Variants in HELZ observed in about 807,000 individuals in gnomAD.
HELZ encodes helicase with zinc finger.
In HELZ, 23 loss-of-function variants were observed where a neutral mutation model predicts 218.2. The observed-to-expected ratio is 0.11, with a 90% CI of 0.08 to 0.15. The LOEUF (loss-of-function observed/expected upper bound fraction) is 0.15. Among genes scored for constraint, HELZ ranks in the 10% least tolerant of loss-of-function variants. The probability of loss-of-function intolerance (pLI) is 1.00; values close to 1 mark genes in which losing one functional copy is unlikely to be tolerated. For synonymous variants in HELZ, 814 were observed against 829.4 expected (o/e 0.98, Z 0.32); for missense variants, 1,813 against 2,353.7 (o/e 0.77, Z 4.75).
At chr17:67,173,660 G>A (rs1308559089) in intron 13 of HELZ, among the ~76,000 whole-genome samples, 2 of 152,172 alleles carry the variant, frequency 1.3e-5, no homozygotes, top group Non-Finnish European at 2.9e-5. Context: ...AAAGCAGAGC[G>A]ACAGAACTGA....
chr17:67,135,274 T>C (rs939171953), intron 23 of HELZ, among the ~76,000 whole-genome samples: 2 of 152,274 alleles, frequency 1.3e-5, no homozygotes, highest in East Asian at 3.9e-4. Flanking sequence ...TGAGAAGCCT[T>C]GAGAGAGCAA....
chr17:67,190,345 G>T lies in HELZ; in HGVS notation c.568C>A (p.Gln190Lys). The change falls in exon 10 of 33, where the codon CAA becomes AAA. Residue 190 changes from glutamine (Q) to lysine (K), a missense_variant. Coordinates refer to ENST00000358691, the MANE Select transcript of HELZ (RefSeq NM_014877.4). The part of the protein sequence containing the change: ...EYTLCKRFLE[Q>K]GICRYGAQCT... ...TGGGCACCATACCTACAGATTCCTT[G>T]TTCTAAAAATCTAAGTAGAATAGGA... 1 of 1,611,728 alleles carries T rather than the reference G, an allele frequency of 6.2e-7. No individual in the cohort carries two copies. The highest frequency in any genetic ancestry group is 8.5e-7 in the Non-Finnish European group (1 of 1,177,910).
intron 32 of HELZ, among the ~76,000 whole-genome samples, chr17:67,083,931 T>C (rs987000498): frequency 2.0e-5 from 3 of 152,238 alleles, no homozygotes; most frequent in African/African-American, 7.2e-5. Flanking sequence ...GGGGTTTCTA[T>C]TTTAGGCTTA....
At chr17:67,101,178 T>C (rs2036918726) in intron 31 of HELZ, among the ~76,000 whole-genome samples, 1 of 149,622 alleles carries the variant, frequency 6.7e-6, no homozygotes, top group African/African-American at 2.5e-5. Context: ...AGGAAATAAA[T>C]TAAATGAGAA....
intron 12 of HELZ, among the ~76,000 whole-genome samples, chr17:67,180,197 A>G (rs1227550417): frequency 1.3e-5 from 2 of 152,232 alleles, no homozygotes; most frequent in East Asian, 3.9e-4. Context: ...AATACTCTGG[A>G]TTGGGGCTGC....
Position 67,123,048 on chromosome 17 carries a change from T to C in HELZ, c.3552A>G (p.Ile1184Met). 1 of 1,613,574 alleles carries C rather than the reference T, an allele frequency of 6.2e-7. No individual in the cohort carries two copies. The highest frequency in any genetic ancestry group is 8.5e-7 in the Non-Finnish European group (1 of 1,179,468). The stretch of plus-strand genomic sequence containing the variant: ...GAATACTTGTCCCAGTGTGAGGATC[T>C]ATTCTTTGAACAGGGCTTGGAGATT... ...LGKSPSPVQR[I>M]DPHTGTSILY... Residue 1184 changes from isoleucine (I) to methionine (M), a missense_variant, in exon 26 of 33, where the codon ATA (isoleucine) becomes ATG (methionine). By Grantham distance (10) the Ile-to-Met change is conservative. Around this residue, in one of 4 missense-constraint regions of HELZ, gnomAD observed 938 missense variants for 1,027.5 expected, o/e 0.91. Transcript: ENST00000358691.
At chr17:67,135,895 T>C (rs2038134507) in intron 23 of HELZ, 75 bp downstream of exon 23, 3 of 1,187,828 alleles carry the variant, frequency 2.5e-6, no homozygotes, top group African/African-American at 3.1e-5. Context: ...GAAGGTCATA[T>C]GAATAAATAT....
chr17:67,234,313 G>GA (rs1861761188), intron 3 of HELZ, among the ~76,000 whole-genome samples: 2 of 132,690 alleles, frequency 1.5e-5, no homozygotes, highest in African/African-American at 3.1e-5. Flanking sequence ...AAAAAAGAAA[G>GA]AAAAAAGAAA....
intron 6 of HELZ, among the ~76,000 whole-genome samples, chr17:67,201,433 T>C (rs781643722): frequency 6.6e-6 from 1 of 152,178 alleles, no homozygotes; most frequent in African/African-American, 2.4e-5. Flanking sequence ...TCACCTTACA[T>C]TAATTAAAAT....
At chr17:67,148,458 A>G (rs1307916604) in intron 20 of HELZ, 111 bp downstream of exon 20, 7 of 807,344 alleles carry the variant, frequency 8.7e-6, no homozygotes, top group African/African-American at 5.2e-5. Context: ...GACTAGGGAC[A>G]CTATGTAAGT....
intron 12 of HELZ, among the ~76,000 whole-genome samples, chr17:67,179,186 AT>A (rs1407824362): frequency 6.6e-6 from 1 of 152,182 alleles, no homozygotes; most frequent in Non-Finnish European, 1.5e-5. Flanking sequence ...AGAAATTAAC[AT>A]TTTTAAAATA....
chr17:67,098,748 A>C (rs2036830005), intron 31 of HELZ, among the ~76,000 whole-genome samples: 1 of 152,180 alleles, frequency 6.6e-6, no homozygotes, highest in Non-Finnish European at 1.5e-5. Context: ...CATCTCAAAA[A>C]GTAAAAATAA....
intron 12 of HELZ, among the ~76,000 whole-genome samples, chr17:67,186,563 C>T (rs2039760847): frequency 6.6e-6 from 1 of 152,212 alleles, no homozygotes; most frequent in Non-Finnish European, 1.5e-5. Flanking sequence ...AGCTCCTTTT[C>T]ATCACCACCT....
chr17:67,139,947 T>A (rs2038271375), intron 21 of HELZ, among the ~76,000 whole-genome samples: 1 of 151,956 alleles, frequency 6.6e-6, no homozygotes, highest in Non-Finnish European at 1.5e-5. Flanking sequence ...ACATAGGGAG[T>A]GGGACAGTGG....
intron 3 of HELZ, among the ~76,000 whole-genome samples, chr17:67,224,110 A>T (rs2040827240): frequency 6.6e-6 from 1 of 152,168 alleles, no homozygotes; most frequent in African/African-American, 2.4e-5. Flanking sequence ...ATGTGACACT[A>T]ACTGGCCAAT....
chr17:67,109,489 T>C lies in HELZ; in HGVS notation c.4116A>G (p.Pro1372=), dbSNP rs1390879875. ...TTAACAAGGTGTGCTGCTGTGGAAT[T>C]GGAAAGGGTGGTCTTGGTAGCTGGG... The part of the protein sequence containing the change: ...PLPQLPRPPF[P]IPQQHTLLNQ... The change falls in exon 29 of 33, where the codon CCA becomes CCG. Residue 1372 remains proline (P), a synonymous_variant. Transcript: ENST00000358691. The C allele has an allele frequency of 1.2e-6, 2 of 1,614,080 alleles. No homozygotes were observed. The highest frequency in any genetic ancestry group is 8.5e-7 in the Non-Finnish European group (1 of 1,180,014).
At chr17:67,231,146 CAA>C (rs60359739) in intron 3 of HELZ, among the ~76,000 whole-genome samples, 1 of 152,180 alleles carries the variant, frequency 6.6e-6, no homozygotes, top group East Asian at 1.9e-4. Flanking sequence ...TCATGAAAAA[CAA>C]AGTCTGAGAG....
chr17:67,139,555 G>T (rs1043312816), intron 21 of HELZ, among the ~76,000 whole-genome samples: 1 of 152,054 alleles, frequency 6.6e-6, no homozygotes, highest in African/African-American at 2.4e-5. Flanking sequence ...GAGTCATTCT[G>T]GGAAACCTCT....
intron 17 of HELZ, among the ~76,000 whole-genome samples, chr17:67,156,261 A>G (rs1303460091): frequency 6.6e-6 from 1 of 151,902 alleles, no homozygotes; most frequent in Non-Finnish European, 1.5e-5. Flanking sequence ...TCATTATGAG[A>G]AAAAAAATTA....
Sources: allele counts gnomAD v4.1 joint callset (sites outside exome capture counted in the v4.1 genomes callset), GRCh38; gene constraint gnomAD v4.1.1; regional missense constraint gnomAD v4.1.1; transcripts MANE v1.5; gene names NCBI Gene and HGNC (gene_info 2026-07-23, HGNC 2026-07-21).